MYO16: variants seen among roughly 807,000 people sequenced by gnomAD.
MYO16 encodes the protein myosin XVI.
A neutral mutation model predicts 205.3 loss-of-function variants in MYO16; 94 were observed. The observed-to-expected ratio is 0.46, with a 90% CI of 0.39 to 0.54. The LOEUF (loss-of-function observed/expected upper bound fraction) is 0.54, where lower values mean the gene tolerates loss of function less well. Among genes scored for constraint, MYO16 ranks in the 20% least tolerant of loss-of-function variants. The pLI, the probability that MYO16 is intolerant of heterozygous loss-of-function variation, is 0.00. For missense variants in MYO16, 2,315 were observed against 2,387.5 expected (o/e 0.97, Z 0.63); for synonymous variants, 988 against 954.0 (o/e 1.04, Z -0.66).
At chr13:109,154,127 T>C (rs1427011469) in intron 32 of MYO16, among the ~76,000 whole-genome samples, 1 of 152,236 alleles carries the variant, frequency 6.6e-6, no homozygotes, top group African/African-American at 2.4e-5. Flanking sequence ...TCCATAGATA[T>C]TTTAAATTTA....
chr13:109,030,798 C>T (rs1309021351), intron 23 of MYO16, among the ~76,000 whole-genome samples: 2 of 152,098 alleles, frequency 1.3e-5, no homozygotes, highest in African/African-American at 2.4e-5. Flanking sequence ...CTCCCACTCC[C>T]ACTCTTTCTC....
At chr13:108,588,421 C>T in the MYO16 span, among the ~76,000 whole-genome samples, 5 of 152,150 alleles carry the variant, frequency 3.3e-5, no homozygotes, top group African/African-American at 1.2e-4. Flanking sequence ...ATACATAAAA[C>T]ATCGTTTCCT....
rs754075721 is a variant in MYO16 at position 109,165,055 on chromosome 13, AAAT to A, written c.5320_5322del (p.Asn1774del). 1 of 1,593,624 alleles carries A rather than the reference AAAT, an allele frequency of 6.3e-7. No homozygotes were observed. The highest frequency in any genetic ancestry group is 8.5e-7 in the Non-Finnish European group (1 of 1,172,054). On this transcript the variant is annotated inframe_deletion and splice_region_variant, in exon 33 of 35. Transcript: ENST00000457511. ...CTGCTGAAAATGGAAATTCCATCTC[AAAT>A]GGTAAGCACTTTTTAAACTCAGAAG...
At chr13:108,529,541 C>A in the MYO16 span, among the ~76,000 whole-genome samples, 1 of 152,150 alleles carries the variant, frequency 6.6e-6, no homozygotes, top group Non-Finnish European at 1.5e-5. Context: ...TGCACATGAA[C>A]TAAAAATGTT....
the MYO16 span, among the ~76,000 whole-genome samples, chr13:108,503,723 A>C: frequency 2.6e-5 from 4 of 152,202 alleles, no homozygotes; most frequent in Non-Finnish European, 5.9e-5. Context: ...ACATAGGATT[A>C]CATCAAAAAT....
chr13:108,737,302 G>A (rs1282304120), intron 4 of MYO16, among the ~76,000 whole-genome samples: 2 of 152,110 alleles, frequency 1.3e-5, no homozygotes, highest in African/African-American at 4.8e-5. Context: ...ATTATTTTGA[G>A]CTACATCCCA....
intron 13 of MYO16, among the ~76,000 whole-genome samples, chr13:108,886,074 G>A (rs1484328390): frequency 1.3e-5 from 2 of 151,840 alleles, no homozygotes; most frequent in Non-Finnish European, 2.9e-5. Flanking sequence ...TGCAAGCTCC[G>A]CCTCCCGGGT....
At chr13:108,554,646 A>G in the MYO16 span, among the ~76,000 whole-genome samples, 11 of 152,124 alleles carry the variant, frequency 7.2e-5, no homozygotes, top group African/African-American at 2.2e-4. Flanking sequence ...TCAGGAGATC[A>G]AGACCATCCT....
chr13:109,083,680 T>C (rs1330980593), intron 27 of MYO16, among the ~76,000 whole-genome samples: 3 of 152,164 alleles, frequency 2.0e-5, no homozygotes, highest in Non-Finnish European at 4.4e-5. Flanking sequence ...ACGTTTCCAA[T>C]AATCCTATAG....
chr13:109,128,502 A>C (rs1247868953), intron 31 of MYO16, among the ~76,000 whole-genome samples: 1 of 152,214 alleles, frequency 6.6e-6, no homozygotes, highest in Admixed American at 6.5e-5. Context: ...CAAATCCATA[A>C]GCTCAAACGT....
At chr13:109,197,228 T>C (rs1368773294) in intron 34 of MYO16, among the ~76,000 whole-genome samples, 1 of 152,158 alleles carries the variant, frequency 6.6e-6, no homozygotes, top group Non-Finnish European at 1.5e-5. Context: ...CCGAGCATTT[T>C]TAATAAGTTC....
intron 16 of MYO16, among the ~76,000 whole-genome samples, chr13:108,937,124 C>T (rs1478707025): frequency 2.6e-5 from 4 of 152,132 alleles, no homozygotes; most frequent in African/African-American, 7.2e-5. Context: ...GAGCAGGATA[C>T]GAAATTTTTG....
rs1566527551 is a variant in MYO16 at position 109,140,434 on chromosome 13, GT to G, written c.4224del (p.Leu1409Ter). ...PAGAPGAAAR[V>X]LTPGTPQCAL... ...GGGCGCCCCGGGGGCAGCAGCGCGC[GT>G]TCTGACCCCCGGGACTCCGCAGTGC... On this transcript the variant is annotated frameshift_variant, in exon 32 of 35. Transcript: ENST00000457511. LOFTEE classifies it high-confidence loss of function. This position sits in a 1 kb window ranked among gnomAD's most constrained non-coding sequence, Gnocchi z 8.0. 6.4e-7 allele frequency: 1 copy of G among 1,560,598 alleles called. No homozygotes were observed. The highest frequency in any genetic ancestry group is 8.6e-7 in the Non-Finnish European group (1 of 1,160,220).
At chr13:109,102,074 C>A (rs911124399) in intron 28 of MYO16, among the ~76,000 whole-genome samples, 1 of 151,902 alleles carries the variant, frequency 6.6e-6, no homozygotes, top group African/African-American at 2.4e-5. Context: ...CAATCTTTTT[C>A]TTTGTTATCT....
chr13:109,055,922 T>C lies in MYO16; in HGVS notation c.3335+327T>C. 1 of 187,412 alleles carries C rather than the reference T, an allele frequency of 5.3e-6. No individual in the cohort carries two copies. Among genetic ancestry groups the C allele is most frequent in the Non-Finnish European group, 1.1e-5 (1 of 89,490 alleles). 11.6% of individuals were successfully genotyped at this position (187,412 alleles called of 1,614,324 possible). A position where few individuals can be genotyped will look rare whatever the true frequency, so the allele number is the denominator to read the frequency against. ...ATTTATTATTTAAAAGGAGAATGTA[T>C]GTAAGTGATTATTTCCCCTTTTATA... On this transcript the variant is annotated intron_variant, in intron 27 of 34. Transcript: ENST00000457511. This position sits in a 1 kb window ranked among gnomAD's most constrained non-coding sequence, Gnocchi z 5.0.
chr13:109,140,308 A>G lies in MYO16; in HGVS notation c.4096A>G (p.Lys1366Glu), dbSNP rs1231056631. The G allele has an allele frequency of 1.2e-6, 2 of 1,602,258 alleles. No homozygotes were observed. The highest frequency in any genetic ancestry group is 1.7e-4 in the Middle Eastern group (1 of 6,056). Residue 1366 changes from lysine (K) to glutamate (E), a missense_variant, in exon 32 of 35, where the codon AAG (lysine) becomes GAG (glutamate). Lys to Glu is a moderately conservative substitution (Grantham distance 56). This residue lies in a region of MYO16 where 1,097 missense variants were observed against 1,092.0 expected (regional missense o/e 1.00). Coordinates refer to ENST00000457511, the MANE Select transcript of MYO16 (RefSeq NM_001198950.3). This position sits in a 1 kb window ranked among gnomAD's most constrained non-coding sequence, Gnocchi z 8.0. Reference protein sequence around the residue: ...RPHSDDYSTMKKIPPRKPKRS... With the variant: ...RPHSDDYSTMEKIPPRKPKRS... Reference sequence around the variant, plus strand: ...GCACAGCGACGACTACAGCACCATGAAGAAGATTCCTCCTCGAAAGCCCAA... The same window carrying G: ...GCACAGCGACGACTACAGCACCATGGAGAAGATTCCTCCTCGAAAGCCCAA...
At chr13:108,603,711 C>T (rs1488705753) in intron 1 of MYO16, among the ~76,000 whole-genome samples, 1 of 152,014 alleles carries the variant, frequency 6.6e-6, no homozygotes, top group Non-Finnish European at 1.5e-5. Context: ...ATGATTGTAC[C>T]AGGTTAAATG....
chr13:108,608,814 TTG>T (rs1879062123), intron 1 of MYO16, among the ~76,000 whole-genome samples: 1 of 152,026 alleles, frequency 6.6e-6, no homozygotes, highest in Admixed American at 6.6e-5. Context: ...AGCTAATTTT[TTG>T]TGTTTTTAGT....
chr13:108,588,242 T>C, the MYO16 span, among the ~76,000 whole-genome samples: 1 of 152,136 alleles, frequency 6.6e-6, no homozygotes, highest in Admixed American at 6.6e-5. Context: ...AGAAACTATA[T>C]CTGTATGTCA....
Sources: allele counts gnomAD v4.1 joint callset (sites outside exome capture counted in the v4.1 genomes callset), GRCh38; gene constraint gnomAD v4.1.1; regional missense constraint gnomAD v4.1.1; non-coding constraint Gnocchi (gnomAD v3.1); transcripts MANE v1.5; gene names NCBI Gene and HGNC (gene_info 2026-07-23, HGNC 2026-07-21).